The following SIGIRR variants were observed in gnomAD, a reference collection of about 807,000 sequenced individuals.
SIGIRR encodes single Ig and TIR domain containing, also known as single Ig IL-1-related receptor.
A neutral mutation model predicts 45.6 loss-of-function variants in SIGIRR; 41 were observed. The observed-to-expected ratio is 0.90, with a 90% CI of 0.70 to 1.17. The LOEUF is 1.17. SIGIRR is among the 50% of genes most tolerant of loss of function. The probability of loss-of-function intolerance (pLI) is 0.00; values close to 1 mark genes in which losing one functional copy is unlikely to be tolerated. For missense variants in SIGIRR, 599 were observed against 539.6 expected (o/e 1.11, Z -1.09); for synonymous variants, 298 against 239.0 (o/e 1.25, Z -2.28).
Position 408,216 on chromosome 11 carries a change from C to G in SIGIRR, c.207-10G>C. ...CAGGTTGGCCTTGACCCTGGGGATA[C>G]CAAGCCAGGGTCAGGGTCGACTGGG... On this transcript the variant is annotated splice_polypyrimidine_tract_variant and intron_variant, in intron 3 of 9. Coordinates refer to ENST00000431843, the MANE Select transcript of SIGIRR (RefSeq NM_001135054.2). The G allele has an allele frequency of 6.2e-7, 1 of 1,612,138 alleles. No homozygotes were observed.
upstream of SIGIRR, among the ~76,000 whole-genome samples, chr11:416,393 G>T (rs1210005563): frequency 1.3e-5 from 2 of 151,870 alleles, no homozygotes; most frequent in Non-Finnish European, 2.9e-5. This position sits in a 1 kb window ranked among gnomAD's most constrained non-coding sequence, Gnocchi z 9.1. Context: ...CACCGTCCAG[G>T]GTGAGCATGA....
Position 409,016 on chromosome 11 carries a change from T to C in SIGIRR, c.8-123A>G, listed in dbSNP as rs73400589. 4,191 of 850,156 alleles carry C rather than the reference T, an allele frequency of 4.9e-3. 132 individuals are homozygous for C. In the African/African-American group the frequency reaches 0.06, roughly 12 times the overall value. The allele number at this position is 850,156 out of a possible 1,614,324, so 52.7% of individuals were successfully genotyped here. ...TGGCTTGGCAGTCACACCATGTCTG[T>C]CCACGAGTCCCATGGGGACAGGCTT... On this transcript the variant is annotated intron_variant, in intron 2 of 9. Coordinates refer to ENST00000431843, the MANE Select transcript of SIGIRR (RefSeq NM_001135054.2).
chr11:414,954 G>T lies in SIGIRR; in HGVS notation c.-285C>A. 1.2e-6 allele frequency: 1 copy of T among 848,980 alleles called. No individual in the cohort carries two copies. The highest frequency in any genetic ancestry group is 1.4e-6 in the Non-Finnish European group (1 of 705,676). 52.6% of individuals were successfully genotyped at this position (848,980 alleles called of 1,614,324 possible). A position where few individuals can be genotyped will look rare whatever the true frequency, so the allele number is the denominator to read the frequency against. ...CTGCTATGGATGCATCGCCAAGCGC[G>T]GTGGGGACCTGGCTTGTGTCTTTGT... On this transcript the variant is annotated 5_prime_UTR_variant, in exon 1 of 10. Coordinates refer to ENST00000431843, the MANE Select transcript of SIGIRR (RefSeq NM_001135054.2).
At chr11:414,454 T>C (rs1847823802) in intron 1 of SIGIRR, among the ~76,000 whole-genome samples, 1 of 151,670 alleles carries the variant, frequency 6.6e-6, no homozygotes, top group Admixed American at 6.6e-5. Flanking sequence ...CTGGCCCATG[T>C]GCACCTGCAC....
At position 407,430 on chromosome 11, in the gene SIGIRR, C is replaced by T. The variant is rs1280063022; in HGVS notation, c.620G>A (p.Arg207His). Residue 207 changes from arginine (R) to histidine (H), a missense_variant, in exon 6 of 10, where the codon CGC becomes CAC. Transcript: ENST00000431843. ...CGGGGTGGGGCCCGGGATACCAGCG[C>T]GCGGCAGGAGGTCGCGGTCGTCCAG... Reference protein sequence around the residue: ...LFLDDRDLLPRAEPSADLLVN... With the variant: ...LFLDDRDLLPHAEPSADLLVN... The T allele has an allele frequency of 5.5e-5, 85 of 1,546,068 alleles. No homozygotes were observed. The highest frequency in any genetic ancestry group is 7.4e-5 in the Non-Finnish European group (85 of 1,145,176).
chr11:407,121 G>GCTTT lies in SIGIRR; in HGVS notation c.668_669insAAAG (p.Leu224LysfsTer118). 5.2e-6 allele frequency: 8 copies of GCTTT among 1,529,666 alleles called. No homozygotes were observed. The Admixed American group carries it at 7.8e-5, about 15-fold the overall frequency. 94.8% of individuals were successfully genotyped at this position (1,529,666 alleles called of 1,614,324 possible). On this transcript the variant is annotated frameshift_variant, in exon 7 of 10. Coordinates refer to ENST00000431843, the MANE Select transcript of SIGIRR (RefSeq NM_001135054.2). LOFTEE classifies it high-confidence loss of function. ...AGGCGTCCGAAAGCACCACGATGAG[G>GCTTT]CGTCGGCAGCGGCTCAGGTTCACCA...
In SIGIRR at chr11:407,861, A is replaced by G. The variant is rs748148802; in HGVS notation, c.437T>C (p.Val146Ala). 1 of 1,612,618 alleles carries G rather than the reference A, an allele frequency of 6.2e-7. No homozygotes were observed. The highest frequency in any genetic ancestry group is 1.7e-5 in the Admixed American group (1 of 60,024). Residue 146 changes from valine (V) to alanine (A), a missense_variant, in exon 5 of 10, where the codon GTG (valine) becomes GCG (alanine). Physicochemically the swap from Val to Ala is moderately conservative, Grantham distance 64. Transcript: ENST00000431843. ...ATACGCGTCCTGGTACCAGAGCAGC[A>G]CGTTGAGACGGCACTTGACATAGAG... ...ALLYVKCRLN[V>A]LLWYQDAYGE... is the part of the protein sequence containing the mutation.
intron 1 of SIGIRR, among the ~76,000 whole-genome samples, chr11:413,750 A>G (rs1423558269): frequency 9.7e-5 from 6 of 62,066 alleles, no homozygotes; most frequent in African/African-American, 3.4e-4. Flanking sequence ...CCTCTCCCCT[A>G]CGCACCTTCC....
At chr11:407,637 C>T in intron 5 of SIGIRR, 69 bp from the exon 6 acceptor site, 5 of 1,576,024 alleles carry the variant, frequency 3.2e-6, no homozygotes, top group Non-Finnish European at 4.3e-6. Flanking sequence ...TCCCCAACAC[C>T]CCTAACCATC....
At chr11:410,130 A>G (rs1034159084) in intron 1 of SIGIRR, 103 bp from the exon 2 acceptor site, 1 of 1,042,320 alleles carries the variant, frequency 9.6e-7, no homozygotes, top group Non-Finnish European at 1.2e-6. Flanking sequence ...GACCCTGAGC[A>G]GCCGCATGGA....
chr11:407,412 G>A lies in SIGIRR; in HGVS notation c.625+13C>T. The A allele has an allele frequency of 6.5e-7, 1 of 1,535,374 alleles. No individual in the cohort carries two copies. The highest frequency in any genetic ancestry group is 8.8e-7 in the Non-Finnish European group (1 of 1,140,210). ...CTCCGGGTGGGCGGGGCACGGGGTG[G>A]GGCCCGGGATACCAGCGCGCGGCAG... is the stretch of plus-strand genomic sequence containing the variant. On this transcript the variant is annotated intron_variant, in intron 6 of 9. Coordinates refer to ENST00000431843, the MANE Select transcript of SIGIRR (RefSeq NM_001135054.2).
In SIGIRR at chr11:407,832, C is replaced by G; in HGVS notation, c.466G>C (p.Glu156Gln). The G allele has an allele frequency of 7.4e-6, 12 of 1,612,596 alleles. No individual in the cohort carries two copies. The highest frequency in any genetic ancestry group is 1.0e-5 in the Non-Finnish European group (12 of 1,179,838). ...CCCCACGCACCGTTTATCTCCACCT[C>G]CCCATACGCGTCCTGGTACCAGAGC... The part of the protein sequence containing the change: ...VLLWYQDAYG[E>Q]VEINDGKLYD... Residue 156 changes from glutamate (E) to glutamine (Q), a missense_variant, in exon 5 of 10, where the codon GAG becomes CAG. Physicochemically the swap from Glu to Gln is conservative, Grantham distance 29. Coordinates refer to ENST00000431843, the MANE Select transcript of SIGIRR (RefSeq NM_001135054.2).
At chr11:408,409 T>C (rs1029618705) in intron 3 of SIGIRR, among the ~76,000 whole-genome samples, 1 of 152,190 alleles carries the variant, frequency 6.6e-6, no homozygotes, top group Non-Finnish European at 1.5e-5. Flanking sequence ...GTCTGGGGCC[T>C]GGAGGTCCTT....
At position 407,116 on chromosome 11, in the gene SIGIRR, ATG is replaced by A; in HGVS notation, c.672_673del (p.Ile225ArgfsTer115). ...CAGGAAGGCGTCCGAAAGCACCACG[ATG>A]AGGCGTCGGCAGCGGCTCAGGTTCA... On this transcript the variant is annotated frameshift_variant, in exon 7 of 10. Coordinates refer to ENST00000431843, the MANE Select transcript of SIGIRR (RefSeq NM_001135054.2). LOFTEE classifies it high-confidence loss of function. 5.2e-6 allele frequency: 8 copies of A among 1,526,568 alleles called. No homozygotes were observed. Among genetic ancestry groups the A allele is most frequent in the Admixed American group, 3.9e-5 (2 of 51,834 alleles). 94.6% of individuals were successfully genotyped at this position (1,526,568 alleles called of 1,614,324 possible).
At chr11:406,110 C>T (rs903645177) in intron 9 of SIGIRR, 51 bp from the exon 10 acceptor site, 2 of 1,543,198 alleles carry the variant, frequency 1.3e-6, no homozygotes, top group African/African-American at 1.4e-5. Flanking sequence ...AGCCTTGGCC[C>T]AGACCCACTG....
chr11:406,232 G>A (rs1240983242), intron 9 of SIGIRR, 117 bp downstream of exon 9: 5 of 1,541,262 alleles, frequency 3.2e-6, no homozygotes, highest in Admixed American at 2.0e-5. Context: ...AGGGGCTCCC[G>A]GTGCCGGGAA....
chr11:407,368 G>GGATAA, intron 6 of SIGIRR, 57 bp downstream of exon 6: 2 of 1,449,280 alleles, frequency 1.4e-6, no homozygotes, highest in Non-Finnish European at 1.8e-6. Context: ...ACGGAGCATG[G>GGATAA]GGCGGGGCGG....
intron 8 of SIGIRR, 63 bp from the exon 9 acceptor site, chr11:406,601 C>A (rs1847318358): frequency 6.5e-7 from 1 of 1,526,822 alleles, no homozygotes; most frequent in Admixed American, 2.0e-5. Flanking sequence ...GCGTCCTGGC[C>A]CCCAAGAGCA....
rs1847302416 is a variant in SIGIRR, at chr11:406,393, C to A, written c.1025G>T (p.Arg342Leu). Residue 342 changes from arginine (R) to leucine (L), a missense_variant, in exon 9 of 10, where the codon CGG becomes CTG. Arg to Leu is a moderately radical substitution (Grantham distance 102). Transcript: ENST00000431843. The stretch of plus-strand genomic sequence containing the variant: ...CGGGTCCACCTCTGAGTCCAGGGCC[C>A]GGCCCTCAGGGACTCGGCCTCGAAG... ...LILRGRVPEG[R>L]ALDSEVDPDP... 3 of 1,612,686 alleles carry A rather than the reference C, an allele frequency of 1.9e-6. No homozygotes were observed. The highest frequency in any genetic ancestry group is 2.5e-6 in the Non-Finnish European group (3 of 1,179,880).
Sources: allele counts gnomAD v4.1 joint callset (sites outside exome capture counted in the v4.1 genomes callset), GRCh38; gene constraint gnomAD v4.1.1; non-coding constraint Gnocchi (gnomAD v3.1); transcripts MANE v1.5; gene names NCBI Gene and HGNC (gene_info 2026-07-23, HGNC 2026-07-21).